SPEG: variants seen among roughly 807,000 people sequenced by gnomAD.
SPEG encodes striated muscle preferentially expressed protein kinase.
In SPEG, 114 loss-of-function variants were observed where a neutral mutation model predicts 300.4. The observed-to-expected ratio is 0.38, with a 90% CI of 0.33 to 0.44. The LOEUF is 0.44. Ranked by LOEUF, SPEG falls within the 20% of genes least tolerant of loss-of-function variation. SPEG has a pLI of 1.00. For synonymous variants in SPEG, 1,964 were observed against 2,018.9 expected (o/e 0.97, Z 0.73); for missense variants, 4,201 against 4,586.2 (o/e 0.92, Z 2.43).
chr2:219,435,940 G>A (rs902426461), intron 1 of SPEG, among the ~76,000 whole-genome samples: 54 of 152,210 alleles, frequency 3.5e-4, no homozygotes, highest in African/African-American at 1.3e-3. Flanking sequence ...AGGAGGTGGA[G>A]CCCGAGCCAG....
chr2:219,442,982 C>T (rs902594365), intron 1 of SPEG: 1 of 763,812 alleles, frequency 1.3e-6, no homozygotes, highest in Non-Finnish European at 2.2e-6. Context: ...CTGCCCACCT[C>T]CCCTCTCACA....
Position 219,483,668 on chromosome 2 carries a change from G to C in SPEG, c.6205G>C (p.Ala2069Pro). The change falls in exon 30 of 41, where the codon GCC (alanine) becomes CCC (proline). Residue 2069 changes from alanine (A) to proline (P), a missense_variant. Ala to Pro is a conservative substitution (Grantham distance 27). Transcript: ENST00000312358. ...GGGCGAGTATGCCCAGAGGCTGCAG[G>C]CCCTGCGCCAGCGGCTGCTGCGGGG... is the stretch of plus-strand genomic sequence containing the variant. ...GEGEYAQRLQ[A>P]LRQRLLRGGP... 6.5e-7 allele frequency: 1 copy of C among 1,534,034 alleles called. No individual in the cohort carries two copies. The highest frequency in any genetic ancestry group is 8.7e-7 in the Non-Finnish European group (1 of 1,146,888).
Position 219,474,717 on chromosome 2 carries a change from C to T in SPEG, c.4447+814C>T, listed in dbSNP as rs949347723. ...ATGGGCACATCTTATCACCGAACTG[C>T]CAGCCCTGAGAATCCTGGCCGCCCT... On this transcript the variant is annotated intron_variant, in intron 18 of 40. Transcript: ENST00000312358. Among the ~76,000 whole-genome samples the T allele has an allele frequency of 3.3e-5, 5 of 152,188 alleles. No individual in the cohort carries two copies. The South Asian group carries it at 1.0e-3, about 32-fold the overall frequency.
intron 13 of SPEG, among the ~76,000 whole-genome samples, chr2:219,471,370 G>A (rs1691858955): frequency 6.6e-6 from 1 of 152,172 alleles, no homozygotes; most frequent in Admixed American, 6.5e-5. Flanking sequence ...CAGGGAGTTT[G>A]GGTTGAGGGC....
rs771076128 is a variant in SPEG, at chr2:219,468,680, G to A, written c.3245G>A (p.Arg1082His). ...GAGGTGTTGGAGGGCCGAGCTGCCC[G>A]TTTCGACTGCAAGATCAGTGGCACC... ...DVEVLEGRAA[R>H]FDCKISGTPP... is the part of the protein sequence containing the mutation. Residue 1082 changes from arginine to histidine, a missense_variant, in exon 11 of 41, where the codon CGT becomes CAT. Arg to His is a conservative substitution (Grantham distance 29). Coordinates refer to ENST00000312358, the MANE Select transcript of SPEG (RefSeq NM_005876.5). 2.4e-5 allele frequency: 38 copies of A among 1,614,118 alleles called. No homozygotes were observed. The highest frequency in any genetic ancestry group is 3.3e-4 in the Middle Eastern group (2 of 6,058).
At position 219,483,439 on chromosome 2, in the gene SPEG, C is replaced by A. The variant is rs927783074; in HGVS notation, c.5976C>A (p.Leu1992=). The part of the protein sequence containing the change: ...QDQEAPSPEA[L]PSPGQEPAAG... ...AGGAGGCTCCCAGCCCAGAGGCCCT[C>A]CCCTCCCCAGGCCAGGAGCCCGCAG... The change falls in exon 30 of 41, where the codon CTC becomes CTA. Residue 1992 remains leucine (L), a synonymous_variant. Coordinates refer to ENST00000312358, the MANE Select transcript of SPEG (RefSeq NM_005876.5). The A allele has an allele frequency of 3.2e-6, 5 of 1,548,212 alleles. No individual in the cohort carries two copies. Among genetic ancestry groups the A allele is most frequent in the Non-Finnish European group, 4.3e-6 (5 of 1,155,100 alleles).
rs775920383 is a variant in SPEG, at chr2:219,492,711, C to T, written c.9729C>T (p.Gly3243=). The change falls in exon 41 of 41, where the codon GGC becomes GGT. Residue 3243 remains glycine, a synonymous_variant. Transcript: ENST00000312358. ...FTTNRLKEFL[G]EQRRRRAEAA... Reference sequence around the variant, plus strand: ...CCAACCGGCTCAAGGAGTTCCTGGGCGAGCAGCGGCGGCGCCGGGCTGAGG... The same window carrying T: ...CCAACCGGCTCAAGGAGTTCCTGGGTGAGCAGCGGCGGCGCCGGGCTGAGG... 24 of 1,605,014 alleles carry T rather than the reference C, an allele frequency of 1.5e-5. No individual in the cohort carries two copies. Among genetic ancestry groups the T allele is most frequent in the African/African-American group, 9.3e-5 (7 of 74,902 alleles).
chr2:219,436,230 G>C (rs1035965588), intron 1 of SPEG, among the ~76,000 whole-genome samples: 14 of 152,396 alleles, frequency 9.2e-5, no homozygotes, highest in African/African-American at 3.1e-4. Flanking sequence ...TGAGGCAGAA[G>C]GGGAGGGCAA....
At position 219,481,298 on chromosome 2, in the gene SPEG, C is replaced by T. The variant is rs375243198; in HGVS notation, c.5370-6C>T. On this transcript the variant is annotated splice_region_variant and splice_polypyrimidine_tract_variant and intron_variant, in intron 26 of 40. Transcript: ENST00000312358. This position sits in a 1 kb window ranked among gnomAD's most constrained non-coding sequence, Gnocchi z 5.4. ...CCCCTCATGACAGCCCTCTTCACCCCTGCAGTCTGACAGGAATCTCCCCGT... is the reference window on the plus strand; with the variant it reads ...CCCCTCATGACAGCCCTCTTCACCCTTGCAGTCTGACAGGAATCTCCCCGT... 55 of 1,613,842 alleles carry T rather than the reference C, an allele frequency of 3.4e-5. No individual in the cohort carries two copies. The African/African-American group carries it at 6.5e-4, about 19-fold the overall frequency.
rs993252970 is a variant in SPEG at position 219,434,867 on chromosome 2, A to C, written c.-111A>C. Reference sequence around the variant, plus strand: ...TAGCACAGGCCGAAGGCGGGCGGGCAGCAGGAAGGCAGGCCGCCGGCCCCC... The same window carrying C: ...TAGCACAGGCCGAAGGCGGGCGGGCCGCAGGAAGGCAGGCCGCCGGCCCCC... On this transcript the variant is annotated 5_prime_UTR_variant, in exon 1 of 41. Coordinates refer to ENST00000312358, the MANE Select transcript of SPEG (RefSeq NM_005876.5). 7.3e-6 allele frequency: 5 copies of C among 683,002 alleles called. No homozygotes were observed. The highest frequency in any genetic ancestry group is 1.1e-5 in the Non-Finnish European group (5 of 441,634). The allele number at this position is 683,002 out of a possible 1,614,324, so 42.3% of individuals were successfully genotyped here.
intron 14 of SPEG, 21 bp from the exon 15 acceptor site, chr2:219,472,206 C>T: frequency 6.2e-7 from 1 of 1,610,558 alleles, no homozygotes; most frequent in Non-Finnish European, 8.5e-7. Flanking sequence ...ACCCAGCAGA[C>T]ATTCGAACTG....
In SPEG at chr2:219,485,067, C is replaced by T. The variant is rs1423139397; in HGVS notation, c.7604C>T (p.Ser2535Phe). The T allele has an allele frequency of 1.5e-5, 23 of 1,532,232 alleles. No individual in the cohort carries two copies. The highest frequency in any genetic ancestry group is 1.2e-4 in the East Asian group (5 of 40,694). 94.9% of individuals were successfully genotyped at this position (1,532,232 alleles called of 1,614,324 possible). Residue 2535 changes from serine to phenylalanine, a missense_variant, in exon 30 of 41, where the codon TCC (serine) becomes TTC (phenylalanine). Transcript: ENST00000312358. ...TCCGAGGCCAGCGCCACGTCGGGCT[C>T]CTCAGGTGAGGAGGGGCAGGGGTAG... ...LGSEASATSG[S>F]SAPGESRSRL...
rs758422881 is a variant in SPEG at position 219,467,192 on chromosome 2, C to T, written c.2900C>T (p.Ser967Phe). ...CCCTCAGCACACCCTGAAAGCCGGTCCCTGGCCGTGCTGGCCCCCCTGCAG... is the reference window on the plus strand; with the variant it reads ...CCCTCAGCACACCCTGAAAGCCGGTTCCTGGCCGTGCTGGCCCCCCTGCAG... ...LEVRAHPESR[S>F]LAVLAPLQDV... is the part of the protein sequence containing the mutation. The change falls in exon 10 of 41, where the codon TCC (serine) becomes TTC (phenylalanine). Residue 967 changes from serine (S) to phenylalanine (F), a missense_variant. By Grantham distance (155) the Ser-to-Phe change is radical (BLOSUM62 -2). This residue lies in a region of SPEG where 1,047 missense variants were observed against 1,356.8 expected (regional missense o/e 0.77). Transcript: ENST00000312358. 4.4e-6 allele frequency: 7 copies of T among 1,585,228 alleles called. No homozygotes were observed. In the African/African-American group the frequency reaches 9.4e-5, roughly 21 times the overall value.
In SPEG at chr2:219,435,269, T is replaced by G; in HGVS notation, c.292T>G (p.Cys98Gly). Residue 98 changes from cysteine (C) to glycine (G), a missense_variant, in exon 1 of 41, where the codon TGC becomes GGC. Transcript: ENST00000312358. ...GCCCAGCTGCCTGTGGCTGCGGCGC[T>G]GCGGGGCGCAGGACGCCGGCGTGTA... ...PEPSCLWLRR[C>G]GAQDAGVYSC... The G allele has an allele frequency of 6.7e-7, 1 of 1,494,850 alleles. No homozygotes were observed. Among genetic ancestry groups the G allele is most frequent in the Non-Finnish European group, 8.8e-7 (1 of 1,131,432 alleles). 92.6% of individuals were successfully genotyped at this position (1,494,850 alleles called of 1,614,324 possible). A position where few individuals can be genotyped will look rare whatever the true frequency, so the allele number is the denominator to read the frequency against.
Position 219,484,639 on chromosome 2 carries a change from C to A in SPEG, c.7176C>A (p.Arg2392=). The A allele has an allele frequency of 6.5e-7, 1 of 1,539,426 alleles. No individual in the cohort carries two copies. ...LELVRRPERS[R]SVQDLRAVGE... is the part of the protein sequence containing the mutation. The stretch of plus-strand genomic sequence containing the variant: ...TGGTGCGACGGCCTGAGCGCTCACG[C>A]TCGGTGCAGGACCTCAGGGCTGTCG... Residue 2392 remains arginine, a synonymous_variant, in exon 30 of 41, where the codon CGC becomes CGA. Coordinates refer to ENST00000312358, the MANE Select transcript of SPEG (RefSeq NM_005876.5).
chr2:219,435,929 G>A (rs1043582584), intron 1 of SPEG, among the ~76,000 whole-genome samples: 4 of 152,210 alleles, frequency 2.6e-5, no homozygotes, highest in Non-Finnish European at 5.9e-5. Context: ...TCCAGGGTAG[G>A]AGGAGGTGGA....
chr2:219,463,210 GA>G (rs909570579), intron 8 of SPEG, among the ~76,000 whole-genome samples: 24 of 146,580 alleles, frequency 1.6e-4, no homozygotes, highest in Middle Eastern at 3.6e-3. Flanking sequence ...CCCTATTGCT[GA>G]AAAAAAAAAG....
intron 36 of SPEG, 101 bp downstream of exon 36, chr2:219,490,040 G>T (rs1414555913): frequency 3.6e-6 from 5 of 1,387,582 alleles, no homozygotes; most frequent in Admixed American, 2.4e-5. Flanking sequence ...GCTGGGGTGG[G>T]GGGAGGTGCT....
chr2:219,482,880 T>C (rs1439253981), intron 29 of SPEG, 28 bp downstream of exon 29: 1 of 1,607,354 alleles, frequency 6.2e-7, no homozygotes, highest in Admixed American at 1.7e-5. Flanking sequence ...GCCTCTGTGC[T>C]TTCCACCTTC....
Sources: gnomAD v4.1 joint callset for allele counts (sites outside exome capture counted in the v4.1 genomes callset) on GRCh38, gnomAD v4.1.1 for gene constraint, gnomAD v4.1.1 regional missense constraint, Gnocchi (gnomAD v3.1) non-coding constraint, MANE v1.5 for transcripts, NCBI Gene and HGNC (gene_info 2026-07-23, HGNC 2026-07-21) for gene names.